PDE4D: variants seen among roughly 807,000 people sequenced by gnomAD.
PDE4D encodes 3',5'-cyclic-AMP phosphodiesterase 4D.
A neutral mutation model predicts 87.4 loss-of-function variants in PDE4D; 24 were observed. That is an observed-to-expected ratio of 0.27 (90% CI 0.20 to 0.39). The LOEUF (loss-of-function observed/expected upper bound fraction) is 0.39. Among genes scored for constraint, PDE4D ranks in the 10% least tolerant of loss-of-function variants. The probability of loss-of-function intolerance (pLI) is 1.00; values close to 1 mark genes in which losing one functional copy is unlikely to be tolerated. For synonymous variants in PDE4D, 384 were observed against 383.2 expected, an observed-to-expected ratio of 1.00 and a Z score of -0.02; for missense variants, 714 against 1,041.0, an observed-to-expected ratio of 0.69 and a Z score of 4.32.
intron 1 of PDE4D, among the ~76,000 whole-genome samples, chr5:60,320,897 C>G (rs921801247): frequency 6.6e-6 from 1 of 151,980 alleles, no homozygotes; most frequent in Non-Finnish European, 1.5e-5. Flanking sequence ...TCAAAGAAAT[C>G]GGAAATAACA....
chr5:60,203,770 C>A (rs539759965), intron 1 of PDE4D, among the ~76,000 whole-genome samples: 151 of 152,168 alleles, frequency 9.9e-4, no homozygotes, highest in Admixed American at 2.5e-3. Context: ...GGTATCCATG[C>A]CTTAACTGGA....
intron 1 of PDE4D, among the ~76,000 whole-genome samples, chr5:59,561,695 C>T (rs1163501673): frequency 2.6e-5 from 4 of 151,366 alleles, no homozygotes; most frequent in Admixed American, 6.6e-5. Flanking sequence ...TTTGGGCAGC[C>T]GAGGCAGGCA....
chr5:59,691,291 T>G (rs1750872307), intron 1 of PDE4D, among the ~76,000 whole-genome samples: 1 of 152,150 alleles, frequency 6.6e-6, no homozygotes, highest in Non-Finnish European at 1.5e-5. Flanking sequence ...TGCAGCACTA[T>G]TCACAATAGC....
At chr5:60,236,296 T>C (rs958919885) in intron 1 of PDE4D, among the ~76,000 whole-genome samples, 1 of 151,786 alleles carries the variant, frequency 6.6e-6, no homozygotes, top group Non-Finnish European at 1.5e-5. Flanking sequence ...TGCTAAGGGA[T>C]TGAAAAGACA....
At chr5:59,113,318 A>G (rs1013294730) in intron 5 of PDE4D, among the ~76,000 whole-genome samples, 1 of 152,234 alleles carries the variant, frequency 6.6e-6, no homozygotes, top group Non-Finnish European at 1.5e-5. Flanking sequence ...GATTTGAATA[A>G]TTCACATTTC....
In PDE4D at chr5:60,335,862, T is replaced by C. The variant is rs142807541; in HGVS notation, c.-89-150175A>G. On this transcript the variant is annotated intron_variant, in intron 1 of 16. Transcript: ENST00000502484. ...AGTTTGGTAAGTTAGAGAATCTTTGTCAACACCTAGAAACCAAAGATGCTA... is the reference window on the plus strand; with the variant it reads ...AGTTTGGTAAGTTAGAGAATCTTTGCCAACACCTAGAAACCAAAGATGCTA... Among the ~76,000 whole-genome samples the C allele has an allele frequency of 2.4e-3, 364 of 152,308 alleles. 3 individuals carry two copies. The highest frequency in any genetic ancestry group is 7.9e-3 in the African/African-American group (327 of 41,560).
At chr5:60,244,738 G>T (rs1747520950) in intron 1 of PDE4D, among the ~76,000 whole-genome samples, 1 of 151,950 alleles carries the variant, frequency 6.6e-6, no homozygotes, top group Non-Finnish European at 1.5e-5. Flanking sequence ...GGAAAAACTG[G>T]ATATCCATAT....
chr5:59,884,932 T>A (rs1749941751), intron 1 of PDE4D, among the ~76,000 whole-genome samples: 1 of 152,058 alleles, frequency 6.6e-6, no homozygotes, highest in East Asian at 1.9e-4. Context: ...ACATTTTTCT[T>A]CCTTTTTGAA....
chr5:59,019,071 C>T (rs1340263680), intron 6 of PDE4D, among the ~76,000 whole-genome samples: 2 of 152,058 alleles, frequency 1.3e-5, no homozygotes, highest in Admixed American at 1.3e-4. Context: ...TCCAGCCCTC[C>T]CCCAATACCC....
At chr5:59,275,783 T>A (rs1764684755) in intron 1 of PDE4D, 17 of 992,788 alleles carry the variant, frequency 1.7e-5, no homozygotes, top group Non-Finnish European at 2.0e-5. Context: ...GCTTTAAAGG[T>A]TTCTGACACT....
intron 1 of PDE4D, among the ~76,000 whole-genome samples, chr5:59,535,754 G>T (rs1225745379): frequency 6.6e-6 from 1 of 152,128 alleles, no homozygotes; most frequent in Non-Finnish European, 1.5e-5. Context: ...CATAAGATGG[G>T]TAAATATAGT....
intron 1 of PDE4D, among the ~76,000 whole-genome samples, chr5:59,561,230 A>G (rs979058110): frequency 7.2e-5 from 11 of 152,160 alleles, no homozygotes; most frequent in Non-Finnish European, 1.5e-4. Context: ...TTTGGCAATC[A>G]CATGGAGACT....
chr5:59,310,128 G>A (rs1772278685), intron 1 of PDE4D, among the ~76,000 whole-genome samples: 1 of 152,158 alleles, frequency 6.6e-6, no homozygotes, highest in African/African-American at 2.4e-5. Context: ...TGGCCCTTTT[G>A]GACAGGTGGC....
chr5:60,110,880 T>A (rs1197838840), intron 2 of PDE4D, among the ~76,000 whole-genome samples: 1 of 152,112 alleles, frequency 6.6e-6, no homozygotes, highest in Non-Finnish European at 1.5e-5. Flanking sequence ...GAGGATATTA[T>A]GTTAAGTGAA....
rs115434873 is a variant in PDE4D at position 59,437,770 on chromosome 5, T to C, written c.456-221802A>G. On this transcript the variant is annotated intron_variant, in intron 1 of 14. Transcript: ENST00000340635. ...TGCATCAAGACAGGACTGATTTCAA[T>C]TGACAATATTATGAGATAGAAATAA... Among the ~76,000 whole-genome samples, 833 of 152,144 alleles carry C rather than the reference T, an allele frequency of 5.5e-3. 11 individuals carry two copies. The highest frequency in any genetic ancestry group is 0.018 in the African/African-American group (735 of 41,522).
At chr5:60,337,200 G>A (rs996409334) in intron 1 of PDE4D, among the ~76,000 whole-genome samples, 1 of 150,184 alleles carries the variant, frequency 6.7e-6, no homozygotes, top group African/African-American at 2.4e-5. Context: ...GGGCATGGTG[G>A]CAGGCACCTA....
chr5:60,327,373 T>G (rs1379132233), intron 1 of PDE4D, among the ~76,000 whole-genome samples: 2 of 152,222 alleles, frequency 1.3e-5, no homozygotes, highest in African/African-American at 2.4e-5. Context: ...AAAGAATGTT[T>G]CTTTTCTCTT....
At chr5:60,421,887 C>T (rs1441477273) in intron 1 of PDE4D, among the ~76,000 whole-genome samples, 4 of 152,160 alleles carry the variant, frequency 2.6e-5, no homozygotes, top group African/African-American at 7.2e-5. Flanking sequence ...ACGAGAACTT[C>T]GTGATGCATG....
intron 3 of PDE4D, among the ~76,000 whole-genome samples, chr5:59,911,213 T>C (rs1753403826): frequency 6.6e-6 from 1 of 152,220 alleles, no homozygotes; most frequent in African/African-American, 2.4e-5. Flanking sequence ...ATCATGCATC[T>C]AGAGGTCACA....
Sources: allele counts gnomAD v4.1 joint callset (sites outside exome capture counted in the v4.1 genomes callset), GRCh38; gene constraint gnomAD v4.1.1; transcripts MANE v1.5; gene names NCBI Gene and HGNC (gene_info 2026-07-23, HGNC 2026-07-21).